ASAP1: variants seen among roughly 807,000 people sequenced by gnomAD.
The protein encoded by ASAP1 is arf-GAP with SH3 domain, ANK repeat and PH domain-containing protein 1.
Under a neutral mutation model 145.2 loss-of-function variants are expected in ASAP1, and 43 were observed. The observed-to-expected ratio is 0.30, with a 90% CI of 0.23 to 0.38. ASAP1 has a LOEUF of 0.38. ASAP1 is among the 10% of genes least tolerant of loss of function. The pLI is 1.00. For missense variants in ASAP1, 1,018 were observed against 1,355.3 expected, an observed-to-expected ratio of 0.75 and a Z score of 3.91; for synonymous variants, 546 against 515.5, an observed-to-expected ratio of 1.06 and a Z score of -0.80.
At chr8:130,392,840 C>T (rs893851708) in intron 2 of ASAP1, among the ~76,000 whole-genome samples, 3 of 152,012 alleles carry the variant, frequency 2.0e-5, no homozygotes, top group African/African-American at 7.2e-5. Flanking sequence ...ACAGTTGTCA[C>T]GGGAACTAAC....
At chr8:130,441,388 G>A (rs1284046061) in intron 1 of ASAP1, among the ~76,000 whole-genome samples, 1 of 152,184 alleles carries the variant, frequency 6.6e-6, no homozygotes, top group African/African-American at 2.4e-5. Flanking sequence ...TATTGCTCAC[G>A]TGGGGATCAC....
chr8:130,105,633 AG>A (rs1270183676), intron 24 of ASAP1, among the ~76,000 whole-genome samples: 3 of 152,242 alleles, frequency 2.0e-5, no homozygotes, highest in Non-Finnish European at 4.4e-5. Flanking sequence ...GGAAAGCTTA[AG>A]TTAATTACTT....
chr8:130,198,757 T>C (rs560517051), intron 5 of ASAP1, among the ~76,000 whole-genome samples: 21 of 152,342 alleles, frequency 1.4e-4, no homozygotes, highest in African/African-American at 4.6e-4. Flanking sequence ...TTAAGGTTTT[T>C]ACTGACTCCA....
intron 8 of ASAP1, among the ~76,000 whole-genome samples, chr8:130,180,503 A>G (rs1301156520): frequency 6.6e-6 from 1 of 152,218 alleles, no homozygotes; most frequent in African/African-American, 2.4e-5. Context: ...AGCAACATTA[A>G]GGTTCTCACC....
At chr8:130,168,899 CTGCTTT>C in intron 10 of ASAP1, 87 bp downstream of exon 10, 1 of 741,876 alleles carries the variant, frequency 1.3e-6, no homozygotes, top group African/African-American at 1.8e-5. Context: ...TTAATCTTTT[CTGCTTT>C]TAACACCTTT....
At chr8:130,115,105 T>C (rs897176837) in intron 23 of ASAP1, among the ~76,000 whole-genome samples, 2 of 152,220 alleles carry the variant, frequency 1.3e-5, no homozygotes, top group Admixed American at 1.3e-4. Context: ...TCCTGGTGTT[T>C]GGTCAAATAC....
At chr8:130,061,545 A>G (rs1352286892) in intron 27 of ASAP1, among the ~76,000 whole-genome samples, 5 of 152,166 alleles carry the variant, frequency 3.3e-5, no homozygotes, top group Non-Finnish European at 7.3e-5. Flanking sequence ...TGAATGGTGC[A>G]TTCTATTCCA....
chr8:130,374,661 T>C lies in ASAP1; in HGVS notation c.60-16518A>G, dbSNP rs76938681. ...CTCAGCGAACTGGCATCATCATCACTTGCTTCCCGATGGGGAAGCAGCACA... is the reference window on the plus strand; with the variant it reads ...CTCAGCGAACTGGCATCATCATCACCTGCTTCCCGATGGGGAAGCAGCACA... On this transcript the variant is annotated intron_variant, in intron 2 of 29. Transcript: ENST00000518721. Among the ~76,000 whole-genome samples, 102 of 152,314 alleles carry C rather than the reference T, an allele frequency of 6.7e-4. No homozygotes were observed. The East Asian group carries it at 0.018, about 27-fold the overall frequency.
intron 27 of ASAP1, among the ~76,000 whole-genome samples, chr8:130,075,589 T>C (rs1313507853): frequency 6.6e-6 from 1 of 152,140 alleles, no homozygotes; most frequent in Non-Finnish European, 1.5e-5. Context: ...TATAGAAGGA[T>C]GGAATGATCT....
At chr8:130,148,873 C>T (rs1015693186) in intron 13 of ASAP1, among the ~76,000 whole-genome samples, 1 of 151,948 alleles carries the variant, frequency 6.6e-6, no homozygotes, top group Non-Finnish European at 1.5e-5. Context: ...CTGGCTCTGT[C>T]GCCCAGGCTG....
chr8:130,222,523 T>C (rs1204381927), intron 4 of ASAP1, among the ~76,000 whole-genome samples: 1 of 152,100 alleles, frequency 6.6e-6, no homozygotes, highest in Non-Finnish European at 1.5e-5. Context: ...AATCCTATCC[T>C]TCTCCACTGA....
intron 1 of ASAP1, among the ~76,000 whole-genome samples, chr8:130,406,659 T>G (rs1829044718): frequency 6.6e-6 from 1 of 152,112 alleles, no homozygotes; most frequent in East Asian, 1.9e-4. Flanking sequence ...TTTTTTGTAT[T>G]TTTAGTAGTG....
chr8:130,149,208 G>T (rs2097640465), intron 13 of ASAP1, among the ~76,000 whole-genome samples: 1 of 148,324 alleles, frequency 6.7e-6, no homozygotes, highest in Non-Finnish European at 1.5e-5. Context: ...ATTTTGAAAT[G>T]AAAGCATCTT....
intron 23 of ASAP1, 122 bp downstream of exon 23, chr8:130,115,506 G>A (rs1024751642): frequency 8.0e-6 from 6 of 753,798 alleles, no homozygotes; most frequent in Admixed American, 2.2e-5. Context: ...CAACATAAAT[G>A]GCCCTGATAC....
intron 3 of ASAP1, among the ~76,000 whole-genome samples, chr8:130,252,967 C>T (rs985815827): frequency 6.6e-6 from 1 of 152,150 alleles, no homozygotes; most frequent in African/African-American, 2.4e-5. Flanking sequence ...AGTTTGGAAA[C>T]CACCAAGCCT....
intron 11 of ASAP1, among the ~76,000 whole-genome samples, chr8:130,163,300 T>C (rs1382333276): frequency 1.3e-5 from 2 of 152,120 alleles, no homozygotes; most frequent in Non-Finnish European, 2.9e-5. Flanking sequence ...TAACAACTTA[T>C]AAAAACGATT....
At chr8:130,055,675 T>C (rs918509932) in intron 29 of ASAP1, among the ~76,000 whole-genome samples, 1 of 152,242 alleles carries the variant, frequency 6.6e-6, no homozygotes, top group Non-Finnish European at 1.5e-5. Flanking sequence ...GCCAGTTACC[T>C]GTAAAAATTT....
intron 2 of ASAP1, among the ~76,000 whole-genome samples, chr8:130,385,206 C>T (rs1827955965): frequency 6.6e-6 from 1 of 152,216 alleles, no homozygotes; most frequent in South Asian, 2.1e-4. Flanking sequence ...TGGCTCACGC[C>T]TGTAATCCCA....
chr8:130,329,710 G>C (rs55961633), intron 3 of ASAP1, among the ~76,000 whole-genome samples: 3,963 of 152,274 alleles, frequency 0.026, 64 homozygotes, highest in Middle Eastern at 0.044. Flanking sequence ...CTCTGAAATA[G>C]GGACTAAACA....
Sources: allele counts gnomAD v4.1 joint callset (sites outside exome capture counted in the v4.1 genomes callset), GRCh38; gene constraint gnomAD v4.1.1; transcripts MANE v1.5; gene names NCBI Gene and HGNC (gene_info 2026-07-23, HGNC 2026-07-21).